WDR70: variants seen among roughly 807,000 people sequenced by gnomAD.
WDR70 encodes the protein WD repeat-containing protein 70.
Under a neutral mutation model 88.6 loss-of-function variants are expected in WDR70, and 53 were observed. That is an observed-to-expected ratio of 0.60 (90% CI 0.48 to 0.75). The LOEUF is 0.75. Among genes scored for constraint, WDR70 ranks in the 30% least tolerant of loss-of-function variants. The probability of loss-of-function intolerance (pLI) is 0.00; values close to 1 mark genes in which losing one functional copy is unlikely to be tolerated. For missense variants in WDR70, 610 were observed against 823.2 expected, an observed-to-expected ratio of 0.74 and a Z score of 3.17; for synonymous variants, 280 against 270.0, an observed-to-expected ratio of 1.04 and a Z score of -0.36.
At chr5:37,405,939 A>G (rs1238228724) in intron 5 of WDR70, among the ~76,000 whole-genome samples, 1 of 152,122 alleles carries the variant, frequency 6.6e-6, no homozygotes, top group Non-Finnish European at 1.5e-5. Flanking sequence ...GCTACTCAGG[A>G]GAATGAGGTG....
At chr5:37,573,373 A>G (rs778716597) in intron 9 of WDR70, among the ~76,000 whole-genome samples, 3 of 152,020 alleles carry the variant, frequency 2.0e-5, no homozygotes, top group Non-Finnish European at 2.9e-5. Context: ...TCCCTCAGTT[A>G]CTGCCTCTTT....
chr5:37,702,568 A>G (rs1381809080), intron 12 of WDR70, among the ~76,000 whole-genome samples: 1 of 152,202 alleles, frequency 6.6e-6, no homozygotes, highest in Non-Finnish European at 1.5e-5. Context: ...AGTCAAATAT[A>G]TATCTGTCCG....
At chr5:37,677,307 G>A (rs1746259565) in intron 10 of WDR70, among the ~76,000 whole-genome samples, 1 of 151,902 alleles carries the variant, frequency 6.6e-6, no homozygotes, top group South Asian at 2.1e-4. Flanking sequence ...TGCTTTTCTA[G>A]TTCTTTTAAT....
At chr5:37,443,492 A>G (rs1561854210) in intron 7 of WDR70, 120 bp downstream of exon 7, 37 of 1,136,400 alleles carry the variant, frequency 3.3e-5, no homozygotes, top group Non-Finnish European at 4.3e-5. Flanking sequence ...TTACGTTTAT[A>G]TGACTGTATA....
intron 5 of WDR70, among the ~76,000 whole-genome samples, chr5:37,402,759 A>G (rs1330335729): frequency 6.6e-6 from 1 of 151,846 alleles, no homozygotes; most frequent in East Asian, 1.9e-4. Context: ...CTATCTGACC[A>G]TATATTGGTA....
intron 8 of WDR70, among the ~76,000 whole-genome samples, chr5:37,498,259 A>G (rs1740291045): frequency 6.6e-6 from 1 of 152,234 alleles, no homozygotes; most frequent in African/African-American, 2.4e-5. Context: ...CAGTTGACAC[A>G]GCTGATTACA....
chr5:37,538,018 C>T (rs898984989), intron 9 of WDR70, among the ~76,000 whole-genome samples: 2 of 152,144 alleles, frequency 1.3e-5, no homozygotes, highest in Non-Finnish European at 2.9e-5. Context: ...TATCAGAGTG[C>T]CACTCTGCTT....
intron 10 of WDR70, among the ~76,000 whole-genome samples, chr5:37,651,324 G>GAT (rs989369187): frequency 5.9e-5 from 9 of 152,178 alleles, no homozygotes; most frequent in Admixed American, 1.3e-4. Flanking sequence ...AGTATTCTGT[G>GAT]ATATATATAT....
chr5:37,630,992 C>A (rs2112524002), intron 10 of WDR70, among the ~76,000 whole-genome samples: 1 of 152,196 alleles, frequency 6.6e-6, no homozygotes, highest in East Asian at 1.9e-4. Flanking sequence ...TTTGTGGTGG[C>A]AATGGGGGTT....
At chr5:37,452,240 TAG>T (rs544189003) in intron 7 of WDR70, among the ~76,000 whole-genome samples, 2 of 151,760 alleles carry the variant, frequency 1.3e-5, no homozygotes, top group Non-Finnish European at 2.9e-5. Flanking sequence ...CATATGCCAT[TAG>T]AAGCCTTTCT....
intron 8 of WDR70, among the ~76,000 whole-genome samples, chr5:37,511,653 A>G (rs1027359718): frequency 6.6e-6 from 1 of 152,224 alleles, no homozygotes; most frequent in Admixed American, 6.5e-5. Flanking sequence ...ATATATACAT[A>G]TACAACAATT....
chr5:37,592,444 T>TATC (rs56069992), intron 9 of WDR70, among the ~76,000 whole-genome samples: 118,181 of 151,770 alleles, frequency 0.78, 46,760 homozygotes, highest in African/African-American at 0.92. Context: ...AAATATGACA[T>TATC]ATTAATACAG....
chr5:37,615,015 G>A (rs1267287872), intron 10 of WDR70, among the ~76,000 whole-genome samples: 1 of 151,978 alleles, frequency 6.6e-6, no homozygotes, highest in Non-Finnish European at 1.5e-5. Flanking sequence ...CAAAAAATTT[G>A]AATGTTAAGA....
At chr5:37,464,532 T>G (rs1739101047) in intron 7 of WDR70, among the ~76,000 whole-genome samples, 3 of 152,180 alleles carry the variant, frequency 2.0e-5, no homozygotes. Context: ...TAAAGAGAAC[T>G]CTAAGGAATA....
At chr5:37,531,774 G>A (rs1402218259) in intron 9 of WDR70, among the ~76,000 whole-genome samples, 1 of 151,480 alleles carries the variant, frequency 6.6e-6, no homozygotes, top group Admixed American at 6.6e-5. Context: ...TTATTGAGAT[G>A]TGAGGTACTA....
intron 7 of WDR70, among the ~76,000 whole-genome samples, chr5:37,463,620 T>C (rs568639869): frequency 1.3e-5 from 2 of 152,346 alleles, no homozygotes; most frequent in East Asian, 3.9e-4. Context: ...CTTCCTCTGG[T>C]GTCAAGAGTT....
chr5:37,493,418 G>T (rs1268454818), intron 8 of WDR70, among the ~76,000 whole-genome samples: 1 of 152,218 alleles, frequency 6.6e-6, no homozygotes, highest in Non-Finnish European at 1.5e-5. Flanking sequence ...ATAGGGTCTA[G>T]AAAGCTAAGA....
chr5:37,418,987 C>T (rs561861647), intron 5 of WDR70, among the ~76,000 whole-genome samples: 3 of 152,108 alleles, frequency 2.0e-5, no homozygotes, highest in Non-Finnish European at 4.4e-5. Flanking sequence ...TGGTCTCCGA[C>T]TTCTGGCCTC....
chr5:37,519,896 G>A (rs2112270724), intron 9 of WDR70, among the ~76,000 whole-genome samples: 1 of 152,254 alleles, frequency 6.6e-6, no homozygotes, highest in Middle Eastern at 3.4e-3. Flanking sequence ...TTCACCAACA[G>A]CATATGAGGG....
Sources: gnomAD v4.1 joint callset for allele counts (sites outside exome capture counted in the v4.1 genomes callset) on GRCh38, gnomAD v4.1.1 for gene constraint, MANE v1.5 for transcripts, NCBI Gene and HGNC (gene_info 2026-07-23, HGNC 2026-07-21) for gene names.